Variants in ANXA10 observed in about 807,000 individuals in gnomAD.
ANXA10 encodes annexin 14.
Under a neutral mutation model 53.5 loss-of-function variants are expected in ANXA10, and 49 were observed. The ratio of observed to expected loss-of-function variants is 0.92; its 90% confidence interval spans 0.73 to 1.16. The LOEUF (loss-of-function observed/expected upper bound fraction) is 1.16. Among genes scored for constraint, ANXA10 ranks in the 50% most tolerant of loss-of-function variants. ANXA10 has a pLI of 0.00. For synonymous variants in ANXA10, 131 were observed against 128.9 expected (o/e 1.02, Z -0.11); for missense variants, 393 against 394.4 (o/e 1.00, Z 0.03).
intron 1 of ANXA10, among the ~76,000 whole-genome samples, chr4:168,126,053 T>G (rs775023263): frequency 3.3e-5 from 5 of 152,176 alleles, no homozygotes; most frequent in Admixed American, 3.3e-4. Context: ...ATACACATTA[T>G]TTCTCACTGT....
intron 2 of ANXA10, among the ~76,000 whole-genome samples, chr4:168,129,775 T>G (rs185586817): frequency 6.6e-6 from 1 of 152,220 alleles, no homozygotes; most frequent in East Asian, 1.9e-4. Flanking sequence ...GTATAAAAAT[T>G]TACTCATCAT....
Position 168,179,154 on chromosome 4 carries a change from C to A in ANXA10, c.629-63C>A, listed in dbSNP as rs936646209. 3.0e-6 allele frequency: 3 copies of A among 993,758 alleles called. No individual in the cohort carries two copies. In the African/African-American group the frequency reaches 4.9e-5, roughly 16 times the overall value. The allele number at this position is 993,758 out of a possible 1,614,324, so 61.6% of individuals were successfully genotyped here. ...AAATATGGATTTTTACTATGTGTAA[C>A]AATCTAATATTTGTATTATAATATT... On this transcript the variant is annotated intron_variant, in intron 8 of 11. Coordinates refer to ENST00000359299, the MANE Select transcript of ANXA10 (RefSeq NM_007193.5).
chr4:168,139,435 CCAACTA>C lies in ANXA10; in HGVS notation c.101-47_101-42del, dbSNP rs541749352. ...ATGATCGTTAGATAAAGGATTCTTC[CCAACTA>C]CAAAGTAGCAACTTTACTAATCTTC... On this transcript the variant is annotated intron_variant, in intron 2 of 11. Coordinates refer to ENST00000359299, the MANE Select transcript of ANXA10 (RefSeq NM_007193.5). The C allele has an allele frequency of 3.8e-4, 571 of 1,494,900 alleles. 5 individuals are homozygous for C. In the South Asian group the frequency reaches 6.2e-3, roughly 16 times the overall value. 92.6% of individuals were successfully genotyped at this position (1,494,900 alleles called of 1,614,324 possible). A position where few individuals can be genotyped will look rare whatever the true frequency, so the allele number is the denominator to read the frequency against.
intron 3 of ANXA10, among the ~76,000 whole-genome samples, chr4:168,145,832 G>C (rs1731397327): frequency 6.6e-6 from 1 of 152,170 alleles, no homozygotes; most frequent in South Asian, 2.1e-4. Flanking sequence ...AGAGTCAGAA[G>C]TCTTACTGAG....
chr4:168,165,175 A>G (rs1362485374), intron 5 of ANXA10, 72 bp from the exon 6 acceptor site: 4 of 993,270 alleles, frequency 4.0e-6, no homozygotes, highest in East Asian at 2.6e-5. Flanking sequence ...GGGAAATAAC[A>G]TTAACTTACT....
intron 1 of ANXA10, among the ~76,000 whole-genome samples, chr4:168,114,632 C>T (rs1174167036): frequency 6.6e-6 from 1 of 152,096 alleles, no homozygotes; most frequent in Non-Finnish European, 1.5e-5. Context: ...CTGATCATAT[C>T]CCTCCTCCCA....
chr4:168,153,422 C>CAAAAAAAAAAAAAAAAAAAAAAAAA (rs61179704), intron 3 of ANXA10, among the ~76,000 whole-genome samples: 12 of 43,510 alleles, frequency 2.8e-4, no homozygotes, highest in African/African-American at 4.8e-4. Context: ...AAGCCTAAAG[C>CAAAAAAAAAAAAAAAAAAAAAAAAA]AAAAAAAAAA....
chr4:168,119,818 G>C (rs771703973), intron 1 of ANXA10, among the ~76,000 whole-genome samples: 27 of 152,150 alleles, frequency 1.8e-4, no homozygotes, highest in Non-Finnish European at 3.7e-4. Context: ...GTAAGATAGT[G>C]CTGGAAAATA....
At chr4:168,105,645 G>C (rs1367920198) in intron 1 of ANXA10, among the ~76,000 whole-genome samples, 1 of 152,054 alleles carries the variant, frequency 6.6e-6, no homozygotes, top group Non-Finnish European at 1.5e-5. Context: ...TAGTGAGATT[G>C]CTGGGTCAAA....
At chr4:168,150,530 A>G (rs1731479026) in intron 3 of ANXA10, among the ~76,000 whole-genome samples, 1 of 152,204 alleles carries the variant, frequency 6.6e-6, no homozygotes, top group African/African-American at 2.4e-5. Context: ...TCCTGCCGAA[A>G]ACTGGAAACA....
intron 11 of ANXA10, 58 bp downstream of exon 11, chr4:168,184,739 A>C: frequency 6.3e-7 from 1 of 1,593,776 alleles, no homozygotes; most frequent in Non-Finnish European, 8.5e-7. Flanking sequence ...TGAAACTGAG[A>C]TAAAAGTTCT....
intron 1 of ANXA10, among the ~76,000 whole-genome samples, chr4:168,105,122 CTTTTA>C (rs1730699058): frequency 6.6e-6 from 1 of 150,662 alleles, no homozygotes. Flanking sequence ...TTTTTTTTAA[CTTTTA>C]TTTTGAGTTC....
At chr4:168,119,759 A>T (rs1023194500) in intron 1 of ANXA10, among the ~76,000 whole-genome samples, 1 of 152,162 alleles carries the variant, frequency 6.6e-6, no homozygotes, top group African/African-American at 2.4e-5. Flanking sequence ...ATTTCTAATT[A>T]TGGGGTGCAT....
At chr4:168,135,518 T>C (rs1731222298) in intron 2 of ANXA10, among the ~76,000 whole-genome samples, 1 of 152,220 alleles carries the variant, frequency 6.6e-6, no homozygotes, top group African/African-American at 2.4e-5. Flanking sequence ...ATCTAAATTT[T>C]AGTCAAGCTA....
intron 2 of ANXA10, among the ~76,000 whole-genome samples, chr4:168,129,853 C>T (rs1028467998): frequency 7.9e-5 from 12 of 152,158 alleles, no homozygotes; most frequent in Admixed American, 1.3e-4. Context: ...TTTATCACCA[C>T]TTGAAGATAC....
chr4:168,187,735 TACA>T (rs954228434), exon 12 of ANXA10: 11 of 197,952 alleles, frequency 5.6e-5, no homozygotes, highest in African/African-American at 2.6e-4. Flanking sequence ...ATCAACAACC[TACA>T]ACAAGAGAGT....
At chr4:168,166,742 T>G (rs537530678) in intron 6 of ANXA10, among the ~76,000 whole-genome samples, 1 of 151,576 alleles carries the variant, frequency 6.6e-6, no homozygotes, top group Non-Finnish European at 1.5e-5. Context: ...AAAGGCATAG[T>G]AGTTAGCAAA....
In ANXA10 at chr4:168,179,254, G is replaced by A. The variant is rs761156738; in HGVS notation, c.666G>A (p.Met222Ile). The A allele has an allele frequency of 1.2e-6, 2 of 1,611,504 alleles. No homozygotes were observed. The highest frequency in any genetic ancestry group is 1.7e-6 in the Non-Finnish European group (2 of 1,178,944). Residue 222 changes from methionine to isoleucine, a missense_variant, in exon 9 of 12, where the codon ATG (methionine) becomes ATA (isoleucine). Physicochemically the swap from Met to Ile is conservative, Grantham distance 10. Transcript: ENST00000359299. ...QEFQNISGQD[M>I]VDAINECYDG... ...TTCAAAATATTTCTGGGCAAGATATGGTAGATGCCATTAATGAATGTTATG... is the reference window on the plus strand; with the variant it reads ...TTCAAAATATTTCTGGGCAAGATATAGTAGATGCCATTAATGAATGTTATG...
chr4:168,111,455 G>T (rs1730805655), intron 1 of ANXA10, among the ~76,000 whole-genome samples: 2 of 152,124 alleles, frequency 1.3e-5, no homozygotes, highest in African/African-American at 4.8e-5. Context: ...ATCAAAAAAA[G>T]AGTAGAAAAG....
Sources: allele counts gnomAD v4.1 joint callset (sites outside exome capture counted in the v4.1 genomes callset), GRCh38; gene constraint gnomAD v4.1.1; transcripts MANE v1.5; gene names NCBI Gene and HGNC (gene_info 2026-07-23, HGNC 2026-07-21).